TXNRD2: variants seen among roughly 807,000 people sequenced by gnomAD.
The protein encoded by TXNRD2 is thioredoxin reductase 2, also known as thioredoxin reductase 2, mitochondrial.
Under a neutral mutation model 70.8 loss-of-function variants are expected in TXNRD2, and 67 were observed. That is an observed-to-expected ratio of 0.95 (90% CI 0.78 to 1.16). TXNRD2 has a LOEUF of 1.16. TXNRD2 is among the 50% of genes most tolerant of loss of function. The pLI is 0.00. For missense variants in TXNRD2, 644 were observed against 719.9 expected (o/e 0.89, Z 1.21); for synonymous variants, 301 against 295.8 (o/e 1.02, Z -0.18).
intron 8 of TXNRD2, among the ~76,000 whole-genome samples, chr22:19,909,861 ACACACACACCACT>A (rs1438421249): frequency 2.4e-5 from 2 of 83,248 alleles, no homozygotes; most frequent in Non-Finnish European, 4.6e-5. Flanking sequence ...CACACACACC[ACACACACACCACT>A]CACACACACC....
intron 1 of TXNRD2, among the ~76,000 whole-genome samples, chr22:19,932,867 C>G (rs2146096120): frequency 6.6e-6 from 1 of 152,348 alleles, no homozygotes; most frequent in South Asian, 2.1e-4. Flanking sequence ...CATGAGAAGG[C>G]TGCACTTATC....
intron 11 of TXNRD2, among the ~76,000 whole-genome samples, chr22:19,892,081 T>C (rs1417452281): frequency 6.6e-6 from 1 of 152,226 alleles, no homozygotes; most frequent in African/African-American, 2.4e-5. Context: ...CCCCCCTTCC[T>C]GTCGGAGCCC....
chr22:19,877,093 C>T lies in TXNRD2; in HGVS notation c.*12G>A. On this transcript the variant is annotated 3_prime_UTR_variant, in exon 17 of 18. Coordinates refer to ENST00000400521, the MANE Select transcript of TXNRD2 (RefSeq NM_006440.5). ...CGGGCGCACCGTGTGCCCTGGCCTG[C>T]AGGGATGGCGCTTACCCTCAGCAGC... 1 of 1,591,454 alleles carries T rather than the reference C, an allele frequency of 6.3e-7. No individual in the cohort carries two copies. Among genetic ancestry groups the T allele is most frequent in the Non-Finnish European group, 8.6e-7 (1 of 1,163,022 alleles).
In TXNRD2 at chr22:19,909,893, A is replaced by ACACCACT. The variant is rs1353535984; in HGVS notation, c.662+1483_662+1484insAGTGGTG. Among the ~76,000 whole-genome samples, 9 of 22,724 alleles carry ACACCACT rather than the reference A, an allele frequency of 4.0e-4. No individual in the cohort carries two copies. In the South Asian group the frequency reaches 0.013, roughly 34 times the overall value. 14.9% of individuals were successfully genotyped at this position (22,724 alleles called of 152,430 possible). On this transcript the variant is annotated intron_variant, in intron 8 of 17. Coordinates refer to ENST00000400521, the MANE Select transcript of TXNRD2 (RefSeq NM_006440.5). ...CACCACTCACACACACCACTCACACACACACACACCACACACCCACACCCT... is the reference window on the plus strand; with the variant it reads ...CACCACTCACACACACCACTCACACACACCACTCACACACACCACACACCCACACCCT...
intron 11 of TXNRD2, among the ~76,000 whole-genome samples, chr22:19,885,056 G>A (rs909768886): frequency 6.6e-5 from 10 of 151,646 alleles, no homozygotes; most frequent in Non-Finnish European, 1.0e-4. Context: ...CAGCACAGCT[G>A]CCCCCTGCCA....
At chr22:19,894,774 G>A (rs1405763803) in intron 11 of TXNRD2, 5 of 313,882 alleles carry the variant, frequency 1.6e-5, no homozygotes, top group Admixed American at 1.5e-4. Context: ...TGGATCACAA[G>A]GTCAGGAGAT....
chr22:19,907,846 C>T (rs575194450), intron 8 of TXNRD2, among the ~76,000 whole-genome samples: 5 of 46,398 alleles, frequency 1.1e-4, no homozygotes, highest in African/African-American at 3.6e-4. Context: ...AGAGTGTGGG[C>T]GCCATGGGTA....
rs199734322 is a variant in TXNRD2 at position 19,880,713 on chromosome 22, C to T, written c.1091G>A (p.Arg364Gln). The T allele has an allele frequency of 3.9e-5, 63 of 1,609,492 alleles. No individual in the cohort carries two copies. Among genetic ancestry groups the T allele is most frequent in the Middle Eastern group, 3.3e-4 (2 of 6,048 alleles). Residue 364 changes from arginine (R) to glutamine (Q), a missense_variant, in exon 13 of 18, where the codon CGG becomes CAG. This residue lies in a region of TXNRD2 where 566 missense variants were observed against 645.0 expected (regional missense o/e 0.88). Coordinates refer to ENST00000400521, the MANE Select transcript of TXNRD2 (RefSeq NM_006440.5). ...GATCGCTATGGGTGTCAGCTCAGGC[C>T]GCCCCTTGGGGAAGGCACAGGGGGG... ...IYAIGDVVEG[R>Q]PELTPIAIMA...
intron 11 of TXNRD2, among the ~76,000 whole-genome samples, chr22:19,888,706 C>T (rs1164376387): frequency 6.6e-6 from 1 of 152,160 alleles, no homozygotes; most frequent in Non-Finnish European, 1.5e-5. Context: ...CACACAGGCC[C>T]TGTGGGCCAC....
intron 8 of TXNRD2, among the ~76,000 whole-genome samples, chr22:19,908,006 C>T (rs1418249493): frequency 1.9e-5 from 2 of 106,790 alleles, no homozygotes; most frequent in Non-Finnish European, 3.7e-5. Flanking sequence ...AGTGTGGGCG[C>T]CGTGGGGAGC....
rs1369362267 is a variant in TXNRD2 at position 19,883,296 on chromosome 22, G to A, written c.1086+29C>T. 2.5e-6 allele frequency: 4 copies of A among 1,608,760 alleles called. No individual in the cohort carries two copies. The African/African-American group carries it at 5.3e-5, about 21-fold the overall frequency. ...GGGGTGGTGGAGCAGGCAGGGGCAG[G>A]GGCCCTGGTCCCGGGACGCATGCCG... On this transcript the variant is annotated intron_variant, in intron 12 of 17. Coordinates refer to ENST00000400521, the MANE Select transcript of TXNRD2 (RefSeq NM_006440.5).
chr22:19,909,379 TAAC>T (rs1601434830), intron 8 of TXNRD2, among the ~76,000 whole-genome samples: 1 of 152,032 alleles, frequency 6.6e-6, no homozygotes, highest in East Asian at 1.9e-4. Flanking sequence ...AGATGCTCAT[TAAC>T]AAGAGAAAGG....
intron 7 of TXNRD2, 86 bp downstream of exon 7, chr22:19,915,127 TG>T: frequency 8.0e-7 from 1 of 1,243,068 alleles, no homozygotes; most frequent in Non-Finnish European, 1.2e-6. Context: ...GCTGCTGCTG[TG>T]GGAAGCACGT....
intron 8 of TXNRD2, 69 bp downstream of exon 8, chr22:19,911,308 G>T: frequency 3.1e-6 from 4 of 1,276,614 alleles, no homozygotes; most frequent in Non-Finnish European, 4.6e-6. Context: ...CACCAGCACA[G>T]GCTCTAAGGG....
intron 7 of TXNRD2, among the ~76,000 whole-genome samples, chr22:19,913,503 T>G (rs1940504990): frequency 6.6e-6 from 1 of 152,252 alleles, no homozygotes. Flanking sequence ...CAGCCAGGGC[T>G]AAAAGCCTTT....
In TXNRD2 at chr22:19,934,493, G is replaced by A. The variant is rs1043267216; in HGVS notation, c.104-3395C>T. Among the ~76,000 whole-genome samples, 4 of 152,016 alleles carry A rather than the reference G, an allele frequency of 2.6e-5. No homozygotes were observed. The East Asian group carries it at 5.8e-4, about 22-fold the overall frequency. ...GGGACTGGCTGGAGCCGTGGCAGAG[G>A]AACATAAATAGTGAAGATTTCATTT... On this transcript the variant is annotated intron_variant, in intron 1 of 17. Coordinates refer to ENST00000400521, the MANE Select transcript of TXNRD2 (RefSeq NM_006440.5).
chr22:19,932,463 G>A, intron 1 of TXNRD2: 1 of 1,603,624 alleles, frequency 6.2e-7, no homozygotes, highest in Non-Finnish European at 8.5e-7. Flanking sequence ...AGGAAGGCAG[G>A]CAAGGGGCAG....
In TXNRD2 at chr22:19,934,853, C is replaced by T. The variant is rs549114279; in HGVS notation, c.104-3755G>A. Among the ~76,000 whole-genome samples, 173 of 152,274 alleles carry T rather than the reference C, an allele frequency of 1.1e-3. 1 individual carries two copies. The highest frequency in any genetic ancestry group is 0.01 in the East Asian group (53 of 5,174). On this transcript the variant is annotated intron_variant, in intron 1 of 17. Coordinates refer to ENST00000400521, the MANE Select transcript of TXNRD2 (RefSeq NM_006440.5). ...CTAGGATTACAGGCATGAGCCACCG[C>T]GCCTGGGCCCCCAAGTAATACTTTT...
chr22:19,909,837 AC>A (rs1491251763), intron 8 of TXNRD2, among the ~76,000 whole-genome samples: 1,241 of 80,666 alleles, frequency 0.015, 36 homozygotes, highest in South Asian at 0.035. Context: ...CACCACACAC[AC>A]CCACACCCTT....
Sources: allele counts gnomAD v4.1 joint callset (sites outside exome capture counted in the v4.1 genomes callset), GRCh38; gene constraint gnomAD v4.1.1; regional missense constraint gnomAD v4.1.1; transcripts MANE v1.5; gene names NCBI Gene and HGNC (gene_info 2026-07-23, HGNC 2026-07-21).